The following RETREG1 variants were observed in gnomAD, a reference collection of about 807,000 sequenced individuals.
RETREG1 encodes the protein family with sequence similarity 134 member B.
RETREG1 carries 44 observed loss-of-function variants against 54.8 expected under a neutral mutation model. The observed-to-expected ratio is 0.80, with a 90% CI of 0.63 to 1.03. The LOEUF (loss-of-function observed/expected upper bound fraction) is 1.03, where lower values mean the gene tolerates loss of function less well. Among genes scored for constraint, RETREG1 ranks in the 50% least tolerant of loss-of-function variants. The pLI, the probability that RETREG1 is intolerant of heterozygous loss-of-function variation, is 0.00. For synonymous variants in RETREG1, 217 were observed against 238.5 expected (o/e 0.91, Z 0.83); for missense variants, 554 against 605.1 (o/e 0.92, Z 0.89).
At chr5:16,602,901 G>A (rs751036078) in intron 1 of RETREG1, among the ~76,000 whole-genome samples, 2 of 152,114 alleles carry the variant, frequency 1.3e-5, no homozygotes, top group Non-Finnish European at 2.9e-5. Context: ...CCAGCTACTC[G>A]GGAGGCTGAG....
At chr5:16,575,640 ATGTC>A (rs1561126331) in intron 1 of RETREG1, among the ~76,000 whole-genome samples, 1 of 152,224 alleles carries the variant, frequency 6.6e-6, no homozygotes, top group African/African-American at 2.4e-5. Context: ...AGCACTCGGG[ATGTC>A]TGTCTATTCT....
At chr5:16,609,474 G>C (rs1743280981) in intron 1 of RETREG1, among the ~76,000 whole-genome samples, 1 of 152,158 alleles carries the variant, frequency 6.6e-6, no homozygotes, top group African/African-American at 2.4e-5. Flanking sequence ...AGCGATAGTA[G>C]CATCTGTAAA....
rs1579717202 is a variant in RETREG1, at chr5:16,595,219, C to T, written c.320+21433G>A. Among the ~76,000 whole-genome samples the T allele has an allele frequency of 2.6e-5, 4 of 152,272 alleles. No individual in the cohort carries two copies. In the South Asian group the frequency reaches 8.3e-4, roughly 32 times the overall value. ...CTAAACCTTGCTGTTCTAATAGACC[C>T]CTTTAATAGTCCTTGTTTTTATATT... On this transcript the variant is annotated intron_variant, in intron 1 of 8. Transcript: ENST00000306320.
intron 3 of RETREG1, among the ~76,000 whole-genome samples, chr5:16,538,631 A>G (rs960917536): frequency 6.6e-6 from 1 of 152,038 alleles, no homozygotes; most frequent in Admixed American, 6.5e-5. Context: ...ACCTACCAAG[A>G]CACCATGTAC....
Position 16,481,011 on chromosome 5 carries a change from A to G in RETREG1, c.668T>C (p.Leu223Pro), listed in dbSNP as rs1379332584. ...YIPGVILSYL[L>P]LLCAFLCPLF... ...GCCATATGTTCTACTATACTTACAC[A>G]GTAGATAGCTGAGTATAACCCCAGG... is the stretch of plus-strand genomic sequence containing the variant. Residue 223 changes from leucine (L) to proline (P), a missense_variant and splice_region_variant, in exon 5 of 9, where the codon CTG (leucine) becomes CCG (proline). By Grantham distance (98) the Leu-to-Pro change is moderately conservative. This residue lies in a region of RETREG1 where 347 missense variants were observed against 412.3 expected (regional missense o/e 0.84). Transcript: ENST00000306320. 3.1e-6 allele frequency: 5 copies of G among 1,605,612 alleles called. No individual in the cohort carries two copies. Among genetic ancestry groups the G allele is most frequent in the South Asian group, 1.1e-5 (1 of 90,938 alleles).
chr5:16,511,852 G>T (rs1425575430), intron 3 of RETREG1, among the ~76,000 whole-genome samples: 1 of 152,198 alleles, frequency 6.6e-6, no homozygotes, highest in Admixed American at 6.5e-5. Context: ...GAGAGAGTAT[G>T]AAGGGGGGAT....
intron 3 of RETREG1, among the ~76,000 whole-genome samples, chr5:16,496,292 G>A (rs556573135): frequency 2.0e-5 from 3 of 152,310 alleles, no homozygotes; most frequent in African/African-American, 4.8e-5. Flanking sequence ...TGTCACAGCA[G>A]AGCATAGAAG....
At chr5:16,529,074 T>A (rs1205003526) in intron 3 of RETREG1, among the ~76,000 whole-genome samples, 2 of 152,242 alleles carry the variant, frequency 1.3e-5, no homozygotes, top group Non-Finnish European at 2.9e-5. Flanking sequence ...ATTCTCACTT[T>A]AGGTATTTTC....
At chr5:16,557,696 C>T (rs1741747057) in intron 3 of RETREG1, among the ~76,000 whole-genome samples, 2 of 152,194 alleles carry the variant, frequency 1.3e-5, no homozygotes, top group African/African-American at 2.4e-5. Context: ...TGGCAGGGTA[C>T]AGACTTTAAA....
At chr5:16,609,344 T>C (rs1337992085) in intron 1 of RETREG1, among the ~76,000 whole-genome samples, 1 of 152,208 alleles carries the variant, frequency 6.6e-6, no homozygotes, top group East Asian at 1.9e-4. Context: ...TTAGTAAAGT[T>C]TGACTTTACT....
intron 1 of RETREG1, among the ~76,000 whole-genome samples, chr5:16,572,465 G>C (rs1048870100): frequency 6.6e-6 from 1 of 151,956 alleles, no homozygotes; most frequent in African/African-American, 2.4e-5. Context: ...CACCCACCTC[G>C]GCCTCCCAAA....
At chr5:16,554,223 G>T (rs1327124149) in intron 3 of RETREG1, among the ~76,000 whole-genome samples, 1 of 152,112 alleles carries the variant, frequency 6.6e-6, no homozygotes, top group African/African-American at 2.4e-5. Flanking sequence ...GCCTGGCTGG[G>T]CCCCCCACCT....
chr5:16,508,548 A>G, intron 3 of RETREG1: 1 of 1,593,840 alleles, frequency 6.3e-7, no homozygotes, highest in South Asian at 1.1e-5. Context: ...CAGACTGAAG[A>G]ATAAGTACGT....
chr5:16,517,127 T>C (rs1740384444), intron 3 of RETREG1, among the ~76,000 whole-genome samples: 1 of 150,226 alleles, frequency 6.7e-6, no homozygotes, highest in African/African-American at 2.5e-5. Flanking sequence ...AACAGGAGTC[T>C]TGGAATGAGG....
At chr5:16,571,128 G>A (rs1412088180) in intron 2 of RETREG1, among the ~76,000 whole-genome samples, 1 of 152,164 alleles carries the variant, frequency 6.6e-6, no homozygotes. Context: ...CGTACCAGCT[G>A]ACATCGCTGG....
At chr5:16,556,910 A>G (rs1232651136) in intron 3 of RETREG1, among the ~76,000 whole-genome samples, 1 of 151,972 alleles carries the variant, frequency 6.6e-6, no homozygotes, top group East Asian at 1.9e-4. Context: ...GCTCACTGCA[A>G]CCTCCACCTC....
At chr5:16,482,818 C>T (rs952335925) in intron 4 of RETREG1, among the ~76,000 whole-genome samples, 1 of 152,070 alleles carries the variant, frequency 6.6e-6, no homozygotes, top group African/African-American at 2.4e-5. Context: ...AGACACTTCC[C>T]CCTCATGGGT....
chr5:16,492,668 C>A (rs1739297132), intron 3 of RETREG1, among the ~76,000 whole-genome samples: 1 of 152,098 alleles, frequency 6.6e-6, no homozygotes, highest in African/African-American at 2.4e-5. Flanking sequence ...AAAGGTCAGT[C>A]AGTATCTGGT....
intron 3 of RETREG1, among the ~76,000 whole-genome samples, chr5:16,536,173 G>A (rs1369937729): frequency 3.3e-5 from 5 of 152,202 alleles, no homozygotes; most frequent in Non-Finnish European, 7.3e-5. Context: ...CAAGAAGGAA[G>A]AGATAAACTC....
Sources: gnomAD v4.1 joint callset for allele counts (sites outside exome capture counted in the v4.1 genomes callset) on GRCh38, gnomAD v4.1.1 for gene constraint, gnomAD v4.1.1 regional missense constraint, MANE v1.5 for transcripts, NCBI Gene and HGNC (gene_info 2026-07-23, HGNC 2026-07-21) for gene names.